SYMPK: variants seen among roughly 807,000 people sequenced by gnomAD.
SYMPK encodes symplekin scaffold protein, also known as symplekin.
Under a neutral mutation model 136.4 loss-of-function variants are expected in SYMPK, and 49 were observed. That is an observed-to-expected ratio of 0.36 (90% CI 0.29 to 0.46). The LOEUF is 0.46. Ranked by LOEUF, SYMPK falls within the 20% of genes least tolerant of loss-of-function variation. SYMPK has a pLI of 1.00. For synonymous variants in SYMPK, 766 were observed against 713.0 expected, an observed-to-expected ratio of 1.07 and a Z score of -1.19; for missense variants, 1,365 against 1,690.0, an observed-to-expected ratio of 0.81 and a Z score of 3.37.
At chr19:45,843,896 A>G in intron 8 of SYMPK, 134 bp downstream of exon 8, 3 of 788,356 alleles carry the variant, frequency 3.8e-6, no homozygotes, top group Non-Finnish European at 5.1e-6. Context: ...GTGAGCCAAG[A>G]TTGCACCACT....
At position 45,821,610 on chromosome 19, in the gene SYMPK, G is replaced by T; in HGVS notation, c.2792-125C>A. 1.5e-6 allele frequency: 1 copy of T among 678,298 alleles called. No individual in the cohort carries two copies. The highest frequency in any genetic ancestry group is 2.6e-6 in the Non-Finnish European group (1 of 387,446). The allele number at this position is 678,298 out of a possible 1,614,324, so 42.0% of individuals were successfully genotyped here. A position where few individuals can be genotyped will look rare whatever the true frequency, so the allele number is the denominator to read the frequency against. On this transcript the variant is annotated intron_variant, in intron 21 of 26. Coordinates refer to ENST00000245934, the MANE Select transcript of SYMPK (RefSeq NM_004819.3). This position sits in a 1 kb window ranked among gnomAD's most constrained non-coding sequence, Gnocchi z 4.4. ...GAGGTGCCCTCTGCTTTCAGGGCTG[G>T]AACAGGGGAAGCGACTGACAACATA... is the stretch of plus-strand genomic sequence containing the variant.
At chr19:45,848,602 T>G (rs1259745049) in intron 6 of SYMPK, 148 bp downstream of exon 6, 1 of 1,091,462 alleles carries the variant, frequency 9.2e-7, no homozygotes, top group African/African-American at 1.6e-5. Flanking sequence ...GAGACAACGT[T>G]AGCTCTCCAT....
rs1321901563 is a variant in SYMPK at position 45,818,164 on chromosome 19, G to C, written c.2894-18C>G. 1 of 1,528,830 alleles carries C rather than the reference G, an allele frequency of 6.5e-7. No homozygotes were observed. Among genetic ancestry groups the C allele is most frequent in the Admixed American group, 2.0e-5 (1 of 50,048 alleles). The allele number at this position is 1,528,830 out of a possible 1,614,324, so 94.7% of individuals were successfully genotyped here. ...GTTGGTGGCTGCGAGGAGGCGGAGA[G>C]TGGGCCTGTCCTCTCTGCCCAGCTG... On this transcript the variant is annotated intron_variant, in intron 22 of 26. Transcript: ENST00000245934.
intron 17 of SYMPK, 113 bp from the exon 18 acceptor site, chr19:45,825,444 C>A (rs1033176024): frequency 1.6e-5 from 22 of 1,340,034 alleles, no homozygotes; most frequent in East Asian, 2.6e-5. Context: ...AGAAGGGAGC[C>A]GGGGCTGGGG....
At position 45,823,807 on chromosome 19, in the gene SYMPK, C is replaced by T; in HGVS notation, c.2559G>A (p.Glu853=). ...LLVENCPKGA[E]TLVTRCLHSL... Reference sequence around the variant, plus strand: ...TGTGCAGACATCTCGTGACCAGTGTCTCTGCTCCCTTGGGACAATTTTCCA... The same window carrying T: ...TGTGCAGACATCTCGTGACCAGTGTTTCTGCTCCCTTGGGACAATTTTCCA... The change falls in exon 19 of 27, where the codon GAG becomes GAA. Residue 853 remains glutamate (E), a synonymous_variant. Transcript: ENST00000245934. The T allele has an allele frequency of 6.2e-7, 1 of 1,614,126 alleles. No homozygotes were observed. The highest frequency in any genetic ancestry group is 8.5e-7 in the Non-Finnish European group (1 of 1,180,018).
intron 13 of SYMPK, 137 bp downstream of exon 13, chr19:45,829,917 A>G: frequency 1.0e-6 from 1 of 983,346 alleles, no homozygotes; most frequent in Non-Finnish European, 1.5e-6. Flanking sequence ...AGTGATCTGG[A>G]GAAGCGGCTG....
chr19:45,841,682 G>A (rs1286646558), intron 9 of SYMPK, among the ~76,000 whole-genome samples: 1 of 152,096 alleles, frequency 6.6e-6, no homozygotes, highest in Non-Finnish European at 1.5e-5. Flanking sequence ...TTAAAGTTAA[G>A]AAAAGCCATA....
intron 2 of SYMPK, 57 bp from the exon 3 acceptor site, chr19:45,854,297 C>A: frequency 1.9e-6 from 3 of 1,604,748 alleles, no homozygotes; most frequent in Admixed American, 3.3e-5. Context: ...CCAGTGCAGC[C>A]CCCTCGGCAC....
intron 13 of SYMPK, among the ~76,000 whole-genome samples, chr19:45,829,709 C>T (rs1971124903): frequency 6.6e-6 from 1 of 152,198 alleles, no homozygotes. Context: ...GGACAGAGAA[C>T]CAGGTATATT....
intron 11 of SYMPK, among the ~76,000 whole-genome samples, chr19:45,832,873 A>T (rs1408517819): frequency 1.3e-5 from 2 of 150,806 alleles, no homozygotes; most frequent in Non-Finnish European, 3.0e-5. Flanking sequence ...AAAAAAAAAA[A>T]AATCAGCCAG....
At chr19:45,823,059 G>A (rs1159487665) in intron 20 of SYMPK, among the ~76,000 whole-genome samples, 1 of 152,178 alleles carries the variant, frequency 6.6e-6, no homozygotes, top group Non-Finnish European at 1.5e-5. Context: ...GTGCCCCCAA[G>A]AGGCATCCTG....
At chr19:45,828,185 G>A (rs1053709943) in intron 14 of SYMPK, 9 of 414,798 alleles carry the variant, frequency 2.2e-5, no homozygotes, top group South Asian at 2.1e-4. Flanking sequence ...ACATAAGAAC[G>A]GGAGGGAATG....
chr19:45,847,268 A>T (rs1054843481), intron 7 of SYMPK, among the ~76,000 whole-genome samples: 28 of 152,062 alleles, frequency 1.8e-4, no homozygotes, highest in South Asian at 4.2e-4. Flanking sequence ...AATAATTTTT[A>T]AAAAAATTGG....
In SYMPK at chr19:45,831,643, C is replaced by G. The variant is rs1600506353; in HGVS notation, c.1394-55G>C. 6 of 1,443,110 alleles carry G rather than the reference C, an allele frequency of 4.2e-6. No individual in the cohort carries two copies. In the East Asian group the frequency reaches 1.5e-4, roughly 36 times the overall value. 89.4% of individuals were successfully genotyped at this position (1,443,110 alleles called of 1,614,324 possible). On this transcript the variant is annotated intron_variant, in intron 11 of 26. Transcript: ENST00000245934. Reference sequence around the variant, plus strand: ...GTGCGTCAGACCCACCTGCTCCAACCCGAGGACCTCCTGTGTGCCTGGCTC... The same window carrying G: ...GTGCGTCAGACCCACCTGCTCCAACGCGAGGACCTCCTGTGTGCCTGGCTC...
intron 7 of SYMPK, among the ~76,000 whole-genome samples, chr19:45,846,411 T>C (rs1176757038): frequency 6.6e-6 from 1 of 152,220 alleles, no homozygotes; most frequent in Non-Finnish European, 1.5e-5. Context: ...GAATAGTTAA[T>C]ATTTATGGAA....
chr19:45,850,310 T>A (rs1483574126), intron 5 of SYMPK, among the ~76,000 whole-genome samples: 3 of 152,168 alleles, frequency 2.0e-5, no homozygotes, highest in African/African-American at 7.2e-5. Flanking sequence ...TTAAGAAAAT[T>A]CACTTCACCT....
At position 45,847,890 on chromosome 19, in the gene SYMPK, G is replaced by A; in HGVS notation, c.538C>T (p.Arg180Cys). ...LLLDSDNDGI[R>C]THAIKFVEGL... ...TCCACAAACTTGATGGCGTGGGTGC[G>A]GATGCCGTCATTGTCAGAGTCCAAT... Residue 180 changes from arginine (R) to cysteine (C), a missense_variant, in exon 7 of 27, where the codon CGC becomes TGC. Arg to Cys is a radical substitution (Grantham distance 180, BLOSUM62 -3). Transcript: ENST00000245934. The A allele has an allele frequency of 2.5e-6, 4 of 1,613,992 alleles. No individual in the cohort carries two copies. Among genetic ancestry groups the A allele is most frequent in the South Asian group, 1.1e-5 (1 of 91,070 alleles).
At chr19:45,824,394 C>G (rs552592459) in intron 18 of SYMPK, among the ~76,000 whole-genome samples, 1 of 152,286 alleles carries the variant, frequency 6.6e-6, no homozygotes, top group Admixed American at 6.5e-5. Flanking sequence ...CCTCGAGAAG[C>G]TCACAGCCCT....
chr19:45,827,196 A>G (rs544738222), intron 16 of SYMPK, among the ~76,000 whole-genome samples: 40 of 152,320 alleles, frequency 2.6e-4, no homozygotes, highest in Non-Finnish European at 4.7e-4. Context: ...GGGCTGCACG[A>G]GGAGCCTGTG....
Sources: allele counts gnomAD v4.1 joint callset (sites outside exome capture counted in the v4.1 genomes callset), GRCh38; gene constraint gnomAD v4.1.1; non-coding constraint Gnocchi (gnomAD v3.1); transcripts MANE v1.5; gene names NCBI Gene and HGNC (gene_info 2026-07-23, HGNC 2026-07-21).